Variants in TTC28 observed in about 807,000 individuals in gnomAD.
The protein encoded by TTC28 is tetratricopeptide repeat protein 28.
A neutral mutation model predicts 198.0 loss-of-function variants in TTC28; 61 were observed. The observed-to-expected ratio is 0.31, with a 90% confidence interval of 0.25 to 0.38. The LOEUF (loss-of-function observed/expected upper bound fraction) is 0.38. Ranked by LOEUF, TTC28 falls within the 10% of genes least tolerant of loss-of-function variation. The probability of loss-of-function intolerance (pLI) is 1.00; values close to 1 mark genes in which losing one functional copy is unlikely to be tolerated. For synonymous variants in TTC28, 1,171 were observed against 1,297.8 expected (o/e 0.90, Z 2.10); for missense variants, 2,678 against 3,164.0 (o/e 0.85, Z 3.69).
At chr22:28,538,708 C>CCT (rs1569010514) in intron 2 of TTC28, among the ~76,000 whole-genome samples, 19 of 151,778 alleles carry the variant, frequency 1.3e-4, no homozygotes, top group Non-Finnish European at 2.4e-4. Flanking sequence ...TACAGGCGTG[C>CCT]GCCACCACGT....
intron 5 of TTC28, among the ~76,000 whole-genome samples, chr22:28,236,696 G>A (rs967140247): frequency 1.3e-5 from 2 of 152,136 alleles, no homozygotes; most frequent in African/African-American, 4.8e-5. Context: ...TAAGCATGCT[G>A]GAGAACTTGA....
At chr22:28,188,693 C>T (rs1288005611) in intron 5 of TTC28, among the ~76,000 whole-genome samples, 1 of 152,138 alleles carries the variant, frequency 6.6e-6, no homozygotes, top group Non-Finnish European at 1.5e-5. Context: ...CACCCAGTAT[C>T]CTTCTCACAT....
chr22:28,503,348 T>G (rs2096911683), intron 2 of TTC28, among the ~76,000 whole-genome samples: 1 of 152,196 alleles, frequency 6.6e-6, no homozygotes, highest in African/African-American at 2.4e-5. Context: ...ATGTGATTGA[T>G]TAGTTTAATA....
intron 2 of TTC28, among the ~76,000 whole-genome samples, chr22:28,416,375 C>A (rs938347904): frequency 1.3e-5 from 2 of 152,166 alleles, no homozygotes; most frequent in African/African-American, 4.8e-5. Flanking sequence ...TAATTCTGAA[C>A]AGTCTCAGAA....
chr22:28,405,229 C>G (rs2046982045), intron 2 of TTC28, among the ~76,000 whole-genome samples: 1 of 152,042 alleles, frequency 6.6e-6, no homozygotes, highest in Admixed American at 6.5e-5. Context: ...TCCTATATAC[C>G]TAAAAATAAT....
At chr22:28,304,939 T>C (rs1259627934) in intron 3 of TTC28, among the ~76,000 whole-genome samples, 2 of 152,046 alleles carry the variant, frequency 1.3e-5, no homozygotes, top group Non-Finnish European at 2.9e-5. Flanking sequence ...AGCTCCAAAA[T>C]GCATCTGCTG....
intron 21 of TTC28, among the ~76,000 whole-genome samples, chr22:27,989,030 A>G (rs1937306882): frequency 6.6e-6 from 1 of 152,260 alleles, no homozygotes; most frequent in African/African-American, 2.4e-5. Context: ...GGTGTTCAAA[A>G]GAAACCTGTG....
chr22:28,473,475 A>T (rs971348889), intron 2 of TTC28, among the ~76,000 whole-genome samples: 6 of 152,170 alleles, frequency 3.9e-5, no homozygotes, highest in African/African-American at 1.4e-4. Flanking sequence ...AATAACTGGA[A>T]GTTACCACCC....
intron 2 of TTC28, among the ~76,000 whole-genome samples, chr22:28,551,030 C>T (rs1001253084): frequency 2.0e-5 from 3 of 151,952 alleles, no homozygotes; most frequent in African/African-American, 7.3e-5. Context: ...AATATATATG[C>T]ACCTAACACT....
At chr22:28,659,532 T>C (rs927921774) in intron 1 of TTC28, among the ~76,000 whole-genome samples, 2 of 152,026 alleles carry the variant, frequency 1.3e-5, no homozygotes, top group Non-Finnish European at 2.9e-5. Context: ...CCTCCCAAAG[T>C]GCCAGGATTA....
intron 5 of TTC28, among the ~76,000 whole-genome samples, chr22:28,174,392 A>G (rs1405826542): frequency 2.0e-5 from 3 of 152,226 alleles, no homozygotes; most frequent in African/African-American, 7.2e-5. Flanking sequence ...CAAAGATGTG[A>G]TAGAAGATAA....
At chr22:28,194,025 A>G (rs1336387304) in intron 5 of TTC28, among the ~76,000 whole-genome samples, 6 of 152,200 alleles carry the variant, frequency 3.9e-5, no homozygotes, top group Admixed American at 3.9e-4. Context: ...AAAATTGACC[A>G]CATAGTTGGA....
chr22:28,430,718 T>G (rs1007613604), intron 2 of TTC28, among the ~76,000 whole-genome samples: 5 of 152,274 alleles, frequency 3.3e-5, no homozygotes, highest in African/African-American at 9.6e-5. Context: ...TTTTTCATTT[T>G]CCTTTAATAA....
chr22:28,273,273 T>C (rs941117215), intron 5 of TTC28, among the ~76,000 whole-genome samples: 3 of 151,942 alleles, frequency 2.0e-5, no homozygotes, highest in Admixed American at 6.6e-5. Flanking sequence ...AACTGAACCA[T>C]GCACCACCAA....
chr22:28,195,817 C>G (rs1471316718), intron 5 of TTC28, among the ~76,000 whole-genome samples: 1 of 148,146 alleles, frequency 6.8e-6, no homozygotes, highest in African/African-American at 2.5e-5. Flanking sequence ...ACATTCCATG[C>G]TCCGGGATAG....
intron 2 of TTC28, among the ~76,000 whole-genome samples, chr22:28,493,618 G>A (rs546208087): frequency 6.6e-6 from 1 of 152,218 alleles, no homozygotes; most frequent in South Asian, 2.1e-4. Flanking sequence ...TCTAGGCAAT[G>A]GTCATCCACG....
At chr22:28,083,404 T>C (rs1289609164) in intron 12 of TTC28, among the ~76,000 whole-genome samples, 5 of 152,364 alleles carry the variant, frequency 3.3e-5, no homozygotes, top group Admixed American at 6.5e-5. Context: ...TGACAGGCTC[T>C]GACACTGGGG....
intron 5 of TTC28, among the ~76,000 whole-genome samples, chr22:28,239,995 G>C (rs915171408): frequency 2.0e-5 from 3 of 152,184 alleles, no homozygotes; most frequent in African/African-American, 7.2e-5. Flanking sequence ...GAGCTGTCCT[G>C]TGCATTGTAG....
chr22:28,036,757 T>C (rs1416716546), intron 12 of TTC28, among the ~76,000 whole-genome samples: 1 of 151,820 alleles, frequency 6.6e-6, no homozygotes, highest in African/African-American at 2.4e-5. Flanking sequence ...ATCAACAAAA[T>C]TGACAGACCG....
Sources: allele counts gnomAD v4.1 joint callset (sites outside exome capture counted in the v4.1 genomes callset), GRCh38; gene constraint gnomAD v4.1.1; transcripts MANE v1.5; gene names NCBI Gene and HGNC (gene_info 2026-07-23, HGNC 2026-07-21).